FSTL5: variants seen among roughly 807,000 people sequenced by gnomAD.
The protein encoded by FSTL5 is follistatin-related protein 5.
Under a neutral mutation model 89.1 loss-of-function variants are expected in FSTL5, and 62 were observed. The ratio of observed to expected loss-of-function variants is 0.70; its 90% CI spans 0.57 to 0.86. FSTL5 has a LOEUF of 0.86. Among genes scored for constraint, FSTL5 ranks in the 40% least tolerant of loss-of-function variants. FSTL5 has a pLI of 0.00. For synonymous variants in FSTL5, 383 were observed against 346.2 expected, an observed-to-expected ratio of 1.11 and a Z score of -1.18; for missense variants, 1,057 against 1,001.6, an observed-to-expected ratio of 1.06 and a Z score of -0.75.
intron 3 of FSTL5, among the ~76,000 whole-genome samples, chr4:162,004,271 CA>C (rs1461492080): frequency 6.6e-6 from 1 of 152,172 alleles, no homozygotes; most frequent in Admixed American, 6.6e-5. Flanking sequence ...ATTGTCTAGT[CA>C]AAAGTATAAT....
At chr4:161,617,071 C>T (rs1276354336) in intron 7 of FSTL5, among the ~76,000 whole-genome samples, 1 of 150,998 alleles carries the variant, frequency 6.6e-6, no homozygotes, top group African/African-American at 2.4e-5. Flanking sequence ...TAAAGTATTA[C>T]AAATAGGTTC....
At chr4:161,569,823 T>C (rs1732945507) in intron 8 of FSTL5, among the ~76,000 whole-genome samples, 1 of 151,202 alleles carries the variant, frequency 6.6e-6, no homozygotes, top group South Asian at 2.1e-4. Context: ...CTCTAAGGAC[T>C]AAATTCTTTT....
intron 11 of FSTL5, among the ~76,000 whole-genome samples, chr4:161,508,744 T>A (rs935353308): frequency 1.3e-5 from 2 of 152,164 alleles, no homozygotes; most frequent in South Asian, 2.1e-4. Flanking sequence ...GAAAGAGTTG[T>A]TCCACATACT....
At chr4:161,757,803 G>A (rs1445337201) in intron 6 of FSTL5, among the ~76,000 whole-genome samples, 2 of 152,002 alleles carry the variant, frequency 1.3e-5, no homozygotes, top group African/African-American at 4.8e-5. Flanking sequence ...ATTTTTAGTA[G>A]AGATGGGGTT....
chr4:162,048,548 T>C (rs1347562910), intron 2 of FSTL5, among the ~76,000 whole-genome samples: 1 of 151,948 alleles, frequency 6.6e-6, no homozygotes, highest in East Asian at 1.9e-4. Flanking sequence ...TCTTCCTCTT[T>C]GGGAAAATGT....
Position 162,035,965 on chromosome 4 carries a change from C to T in FSTL5, c.127-2307G>A, listed in dbSNP as rs144140997. On this transcript the variant is annotated intron_variant, in intron 2 of 15. Transcript: ENST00000306100. ...ACTTATTCCTTCTTCACCTGTCTTGCAGCACTGCCACACTCTCTGAGATTT... is the reference window on the plus strand; with the variant it reads ...ACTTATTCCTTCTTCACCTGTCTTGTAGCACTGCCACACTCTCTGAGATTT... Among the ~76,000 whole-genome samples the T allele has an allele frequency of 1.3e-3, 198 of 152,206 alleles. 1 individual carries two copies. The highest frequency in any genetic ancestry group is 4.2e-3 in the African/African-American group (175 of 41,552).
intron 1 of FSTL5, among the ~76,000 whole-genome samples, chr4:162,122,144 C>A (rs1731893320): frequency 1.3e-5 from 2 of 152,006 alleles, no homozygotes; most frequent in East Asian, 3.9e-4. Context: ...GCACCCTATA[C>A]CCTGTGTCAT....
intron 2 of FSTL5, among the ~76,000 whole-genome samples, chr4:162,051,832 T>C (rs1194496754): frequency 6.6e-6 from 1 of 151,424 alleles, no homozygotes; most frequent in Non-Finnish European, 1.5e-5. Context: ...AAACAGTATT[T>C]GTGGGAAACT....
chr4:161,954,457 G>A (rs1210047776), intron 3 of FSTL5, among the ~76,000 whole-genome samples: 3 of 151,718 alleles, frequency 2.0e-5, no homozygotes, highest in East Asian at 3.9e-4. Flanking sequence ...ATTAGTGCCT[G>A]TAGATGTTTA....
intron 4 of FSTL5, among the ~76,000 whole-genome samples, chr4:161,847,597 G>A (rs1234642632): frequency 2.0e-5 from 3 of 151,982 alleles, no homozygotes; most frequent in African/African-American, 7.2e-5. Flanking sequence ...CCAGTTTTTT[G>A]TTTCTGTTTT....
chr4:161,505,856 G>A (rs963071320), intron 11 of FSTL5, among the ~76,000 whole-genome samples: 1 of 152,000 alleles, frequency 6.6e-6, no homozygotes, highest in Non-Finnish European at 1.5e-5. Flanking sequence ...ACTGATGTAA[G>A]TTTTTAGCAG....
intron 1 of FSTL5, among the ~76,000 whole-genome samples, chr4:162,160,072 A>G (rs1733634635): frequency 6.6e-6 from 1 of 151,982 alleles, no homozygotes. Flanking sequence ...TGTTTATTCT[A>G]GAGTAGAATT....
At chr4:161,455,200 G>A in intron 14 of FSTL5, 72 bp from the exon 15 acceptor site, 2 of 1,257,792 alleles carry the variant, frequency 1.6e-6, no homozygotes, top group Non-Finnish European at 2.1e-6. Context: ...ATTTTATTTA[G>A]AGATGAAATA....
chr4:161,772,144 A>G (rs1741232714), intron 5 of FSTL5, among the ~76,000 whole-genome samples: 1 of 152,120 alleles, frequency 6.6e-6, no homozygotes, highest in Non-Finnish European at 1.5e-5. Flanking sequence ...AAACTCAAGA[A>G]TACATCTTCA....
chr4:161,598,117 A>T (rs2126620351), intron 7 of FSTL5, among the ~76,000 whole-genome samples: 1 of 152,272 alleles, frequency 6.6e-6, no homozygotes, highest in Non-Finnish European at 1.5e-5. Flanking sequence ...CATGGCTGTA[A>T]TCCCAGCAGT....
intron 3 of FSTL5, among the ~76,000 whole-genome samples, chr4:162,028,634 T>C (rs180675229): frequency 1.4e-3 from 215 of 152,272 alleles, no homozygotes; most frequent in Middle Eastern, 6.8e-3. Flanking sequence ...ATAGTGACTA[T>C]GCATTTCATG....
intron 4 of FSTL5, among the ~76,000 whole-genome samples, chr4:161,903,871 C>T (rs1378167340): frequency 6.6e-6 from 1 of 151,844 alleles, no homozygotes; most frequent in African/African-American, 2.4e-5. Flanking sequence ...TCCTCTGAGG[C>T]CCCTGCTAAT....
intron 4 of FSTL5, among the ~76,000 whole-genome samples, chr4:161,858,140 G>A: frequency 6.6e-6 from 1 of 152,070 alleles, no homozygotes; most frequent in East Asian, 1.9e-4. Flanking sequence ...AATAAAAGAG[G>A]CCTCAGAGAG....
At chr4:161,614,563 A>G (rs1734773107) in intron 7 of FSTL5, among the ~76,000 whole-genome samples, 2 of 152,182 alleles carry the variant, frequency 1.3e-5, no homozygotes, top group Admixed American at 1.3e-4. Flanking sequence ...CTCACTGTGT[A>G]TGTTTCAAAA....
Sources: gnomAD v4.1 joint callset for allele counts (sites outside exome capture counted in the v4.1 genomes callset) on GRCh38, gnomAD v4.1.1 for gene constraint, MANE v1.5 for transcripts, NCBI Gene and HGNC (gene_info 2026-07-23, HGNC 2026-07-21) for gene names.